Variants in KIF5B observed in about 807,000 individuals in gnomAD.
KIF5B encodes kinesin-1 heavy chain.
KIF5B carries 49 observed loss-of-function variants against 132.8 expected under a neutral mutation model. The observed-to-expected ratio is 0.37, with a 90% CI of 0.29 to 0.47. The LOEUF (loss-of-function observed/expected upper bound fraction) is 0.47. Ranked by LOEUF, KIF5B falls within the 20% of genes least tolerant of loss-of-function variation. The pLI, the probability that KIF5B is intolerant of heterozygous loss-of-function variation, is 1.00. For synonymous variants in KIF5B, 355 were observed against 369.4 expected (o/e 0.96, Z 0.45); for missense variants, 780 against 1,144.0 (o/e 0.68, Z 4.59).
chr10:32,023,133 G>A (rs1841287645), intron 15 of KIF5B, 97 bp from the exon 16 acceptor site: 2 of 580,416 alleles, frequency 3.4e-6, no homozygotes, highest in Non-Finnish European at 5.5e-6. Flanking sequence ...ATATATTTTA[G>A]TATTACTCAA....
rs990128099 is a variant in KIF5B at position 32,037,148 on chromosome 10, T to A, written c.711+106A>T. On this transcript the variant is annotated intron_variant, in intron 8 of 25. Transcript: ENST00000302418. ...CGGTTACAAATCTCAGGTTACCAAA[T>A]CCAGTTTGGTAAGTAAGATGCAACA... 10 of 1,029,392 alleles carry A rather than the reference T, an allele frequency of 9.7e-6. No individual in the cohort carries two copies. The African/African-American group carries it at 1.3e-4, about 13-fold the overall frequency. The allele number at this position is 1,029,392 out of a possible 1,614,324, so 63.8% of individuals were successfully genotyped here. A position where few individuals can be genotyped will look rare whatever the true frequency, so the allele number is the denominator to read the frequency against.
chr10:32,052,419 T>C (rs1002422895), intron 1 of KIF5B, among the ~76,000 whole-genome samples: 1 of 152,242 alleles, frequency 6.6e-6, no homozygotes, highest in Non-Finnish European at 1.5e-5. Flanking sequence ...CAAGATTATC[T>C]AATTAGTTTT....
intron 17 of KIF5B, 39 bp from the exon 18 acceptor site, chr10:32,021,326 C>G (rs761678365): frequency 1.4e-6 from 2 of 1,436,650 alleles, no homozygotes; most frequent in South Asian, 2.3e-5. Flanking sequence ...TGAAATAAGC[C>G]TTTAAGGTTC....
chr10:32,028,698 C>T, intron 14 of KIF5B, 127 bp from the exon 15 acceptor site: 1 of 735,902 alleles, frequency 1.4e-6, no homozygotes. Flanking sequence ...TTTCATTTTT[C>T]TTGAACTATC....
intron 14 of KIF5B, among the ~76,000 whole-genome samples, chr10:32,030,338 G>A (rs1841386155): frequency 6.6e-6 from 1 of 152,022 alleles, no homozygotes; most frequent in Admixed American, 6.6e-5. Flanking sequence ...CCAACATGGT[G>A]AAACCCTGTT....
chr10:32,034,133 C>CA (rs1841435351), intron 11 of KIF5B, 95 bp from the exon 12 acceptor site: 5 of 697,412 alleles, frequency 7.2e-6, no homozygotes, highest in Non-Finnish European at 1.1e-5. Context: ...TTTTTTGAGA[C>CA]AGAGTCTCAA....
At chr10:32,032,817 G>A in intron 12 of KIF5B, 43 bp from the exon 13 acceptor site, 1 of 1,453,714 alleles carries the variant, frequency 6.9e-7, no homozygotes, top group Non-Finnish European at 9.7e-7. Flanking sequence ...CTAACAACCT[G>A]GTTCTAGTTG....
chr10:32,056,292 G>A lies in KIF5B; in HGVS notation c.-319C>T, dbSNP rs1301353610. 2 of 325,018 alleles carry A rather than the reference G, an allele frequency of 6.2e-6. No homozygotes were observed. The highest frequency in any genetic ancestry group is 1.1e-5 in the Non-Finnish European group (2 of 175,628). The allele number at this position is 325,018 out of a possible 1,614,324, so 20.1% of individuals were successfully genotyped here. On this transcript the variant is annotated 5_prime_UTR_variant, in exon 1 of 26. Coordinates refer to ENST00000302418, the MANE Select transcript of KIF5B (RefSeq NM_004521.3). The stretch of plus-strand genomic sequence containing the variant: ...TGGGCGGACTGCGGGGGCTGGGGAG[G>A]TTCTGGGGACCGGGAGAGTGGCCAC...
At chr10:32,041,628 T>C (rs1592451463) in intron 2 of KIF5B, among the ~76,000 whole-genome samples, 3 of 152,092 alleles carry the variant, frequency 2.0e-5, no homozygotes, top group Admixed American at 2.0e-4. Flanking sequence ...GAAGTTCCTA[T>C]GAAAAAAAAT....
rs754248874 is a variant in KIF5B at position 32,022,811 on chromosome 10, T to C, written c.1914+37A>G. On this transcript the variant is annotated intron_variant, in intron 16 of 25. Coordinates refer to ENST00000302418, the MANE Select transcript of KIF5B (RefSeq NM_004521.3). ...AATAAATAAAATTTCTATGTGGCTG[T>C]TTCAAAAAAATGAATAAACTTTGTT... 21 of 1,417,326 alleles carry C rather than the reference T, an allele frequency of 1.5e-5. No homozygotes were observed. The Middle Eastern group carries it at 7.4e-4, about 50-fold the overall frequency. 87.8% of individuals were successfully genotyped at this position (1,417,326 alleles called of 1,614,324 possible).
chr10:32,055,724 C>A, intron 1 of KIF5B, 124 bp downstream of exon 1: 1 of 1,339,200 alleles, frequency 7.5e-7, no homozygotes, highest in African/African-American at 1.5e-5. Flanking sequence ...ACCGGCAAAC[C>A]CCGCCGGGGA....
In KIF5B at chr10:32,037,531, A is replaced by G; in HGVS notation, c.575T>C (p.Val192Ala). ...TIDEGKSNRH[V>A]AVTNMNEHSS... ...TATTTTCTACTTACTTGTAACTGCTACATGTCTGTTGGATTTTCCTTCATC... is the reference window on the plus strand; with the variant it reads ...TATTTTCTACTTACTTGTAACTGCTGCATGTCTGTTGGATTTTCCTTCATC... The change falls in exon 7 of 26, where the codon GTA becomes GCA. Residue 192 changes from valine to alanine, a missense_variant. Physicochemically the swap from Val to Ala is moderately conservative, Grantham distance 64. Around this residue, in one of 9 missense-constraint regions of KIF5B, gnomAD observed 76 missense variants for 146.4 expected, o/e 0.52. Coordinates refer to ENST00000302418, the MANE Select transcript of KIF5B (RefSeq NM_004521.3). 1 of 1,611,478 alleles carries G rather than the reference A, an allele frequency of 6.2e-7. No individual in the cohort carries two copies. Among genetic ancestry groups the G allele is most frequent in the Non-Finnish European group, 8.5e-7 (1 of 1,177,592 alleles).
chr10:32,048,667 A>G (rs1841648130), intron 1 of KIF5B, 116 bp from the exon 2 acceptor site: 1 of 631,060 alleles, frequency 1.6e-6, no homozygotes. Flanking sequence ...CCTAGTATGC[A>G]TAATTTGGTA....
intron 4 of KIF5B, 74 bp from the exon 5 acceptor site, chr10:32,038,900 T>TA (rs1460554311): frequency 2.3e-6 from 2 of 884,914 alleles, no homozygotes; most frequent in East Asian, 5.1e-5. Flanking sequence ...GTCTGAGTGC[T>TA]AGGCATTGTT....
chr10:32,014,649 A>G (rs960618022), intron 25 of KIF5B, among the ~76,000 whole-genome samples: 9 of 152,040 alleles, frequency 5.9e-5, no homozygotes, highest in Non-Finnish European at 1.3e-4. Flanking sequence ...TATTACTTAT[A>G]TAATTATAAA....
chr10:32,039,117 A>T (rs184926492), intron 4 of KIF5B, among the ~76,000 whole-genome samples: 98 of 152,274 alleles, frequency 6.4e-4, no homozygotes, highest in Non-Finnish European at 1.1e-3. Flanking sequence ...TTTTTGAAGG[A>T]GGCTAAAGAC....
At chr10:32,038,902 G>C in intron 4 of KIF5B, 76 bp from the exon 5 acceptor site, 3 of 878,692 alleles carry the variant, frequency 3.4e-6, no homozygotes, top group Non-Finnish European at 5.5e-6. Context: ...CTGAGTGCTA[G>C]GCATTGTTTA....
intron 24 of KIF5B, 53 bp downstream of exon 24, chr10:32,017,090 A>C (rs1204905087): frequency 7.0e-7 from 1 of 1,434,736 alleles, no homozygotes; most frequent in Non-Finnish European, 9.8e-7. Context: ...TTTCCACTAA[A>C]TGAAAGCATT....
chr10:32,055,368 TTA>T (rs1841740982), intron 1 of KIF5B, among the ~76,000 whole-genome samples: 1 of 152,194 alleles, frequency 6.6e-6, no homozygotes. Context: ...CAAGGACTGG[TTA>T]TGTTTCCATA....
Sources: gnomAD v4.1 joint callset for allele counts (sites outside exome capture counted in the v4.1 genomes callset) on GRCh38, gnomAD v4.1.1 for gene constraint, gnomAD v4.1.1 regional missense constraint, MANE v1.5 for transcripts, NCBI Gene and HGNC (gene_info 2026-07-23, HGNC 2026-07-21) for gene names.